ADGRB1: variants seen among roughly 807,000 people sequenced by gnomAD.
ADGRB1 encodes adhesion G protein-coupled receptor B1, also known as brain-specific angiogenesis inhibitor 1.
Under a neutral mutation model 175.7 loss-of-function variants are expected in ADGRB1, and 36 were observed. The observed-to-expected ratio is 0.20, with a 90% CI of 0.16 to 0.27. ADGRB1 has a LOEUF of 0.27. Among genes scored for constraint, ADGRB1 ranks in the 10% least tolerant of loss-of-function variants. The pLI is 1.00. For missense variants in ADGRB1, 1,731 were observed against 2,255.3 expected (o/e 0.77, Z 4.71); for synonymous variants, 1,054 against 979.4 (o/e 1.08, Z -1.42).
In ADGRB1 at chr8:142,537,008, C is replaced by T. The variant is rs1272145393; in HGVS notation, c.3592C>T (p.Arg1198Cys). The T allele has an allele frequency of 1.9e-6, 3 of 1,593,570 alleles. No individual in the cohort carries two copies. The highest frequency in any genetic ancestry group is 2.6e-6 in the Non-Finnish European group (3 of 1,170,654). ...CCAGGTCCAGGACGCTGTGAAATGCCGTGTGGTTGACCGGCAGGAGGAGGG... is the reference window on the plus strand; with the variant it reads ...CCAGGTCCAGGACGCTGTGAAATGCTGTGTGGTTGACCGGCAGGAGGAGGG... ...RREVQDAVKC[R>C]VVDRQEEGNG... is the part of the protein sequence containing the mutation. Residue 1198 changes from arginine to cysteine, a missense_variant, in exon 26 of 31, where the codon CGT becomes TGT. Coordinates refer to ENST00000517894, the MANE Select transcript of ADGRB1 (RefSeq NM_001702.3). This position sits in a 1 kb window ranked among gnomAD's most constrained non-coding sequence, Gnocchi z 4.6.
intron 1 of ADGRB1, among the ~76,000 whole-genome samples, chr8:142,454,754 G>A (rs545466683): frequency 2.0e-5 from 3 of 152,168 alleles, no homozygotes; most frequent in African/African-American, 7.2e-5. Context: ...AGGCGGCTCC[G>A]GACGTCTCCA....
At chr8:142,505,168 ACAGG>A (rs1267706605) in intron 17 of ADGRB1, among the ~76,000 whole-genome samples, 8 of 152,136 alleles carry the variant, frequency 5.3e-5, no homozygotes, top group Non-Finnish European at 2.9e-5. Flanking sequence ...CATCCCATGG[ACAGG>A]TGCGGGGTGA....
chr8:142,478,018 T>A (rs1841080973), intron 6 of ADGRB1, among the ~76,000 whole-genome samples, 169 bp from the exon 7 acceptor site: 1 of 149,708 alleles, frequency 6.7e-6, no homozygotes. Context: ...GCCTGGGTGT[T>A]CTCACCCATG....
At chr8:142,478,437 G>A (rs769849757) in intron 7 of ADGRB1, 77 bp downstream of exon 7, 64 of 1,433,938 alleles carry the variant, frequency 4.5e-5, no homozygotes, top group East Asian at 7.4e-5. Context: ...GCCCCACAGC[G>A]GGTGGGGGTA....
chr8:142,499,803 G>A (rs1032560331), intron 17 of ADGRB1, among the ~76,000 whole-genome samples: 3 of 152,230 alleles, frequency 2.0e-5, no homozygotes, highest in South Asian at 4.1e-4. Context: ...GGAGAGGGCC[G>A]CCACTTCCTG....
intron 12 of ADGRB1, 148 bp from the exon 13 acceptor site, chr8:142,484,508 A>G (rs2131847523): frequency 2.6e-6 from 2 of 767,868 alleles, no homozygotes; most frequent in East Asian, 5.6e-5. Context: ...CTCATCCCCA[A>G]AGTGGGGTAC....
intron 17 of ADGRB1, among the ~76,000 whole-genome samples, chr8:142,494,571 C>A (rs899307176): frequency 6.6e-6 from 1 of 152,102 alleles, no homozygotes; most frequent in Non-Finnish European, 1.5e-5. Flanking sequence ...ATGCAAGTCA[C>A]CTGCCTGCCT....
intron 2 of ADGRB1, among the ~76,000 whole-genome samples, chr8:142,470,445 T>G (rs1563686157): frequency 6.6e-6 from 1 of 151,814 alleles, no homozygotes; most frequent in Non-Finnish European, 1.5e-5. Context: ...TGGAGCCATT[T>G]TTTGCACAAG....
Position 142,464,190 on chromosome 8 carries a change from C to G in ADGRB1, c.-9C>G. On this transcript the variant is annotated 5_prime_UTR_variant, in exon 2 of 31. Coordinates refer to ENST00000517894, the MANE Select transcript of ADGRB1 (RefSeq NM_001702.3). The stretch of plus-strand genomic sequence containing the variant: ...AGCCCGCGGAACCCCGGCGGCCCCG[C>G]GAGCTAGGATGAGGGGCCAGGCCGC... 1 of 1,260,826 alleles carries G rather than the reference C, an allele frequency of 7.9e-7. No homozygotes were observed. The highest frequency in any genetic ancestry group is 9.9e-7 in the Non-Finnish European group (1 of 1,008,016). The allele number at this position is 1,260,826 out of a possible 1,614,324, so 78.1% of individuals were successfully genotyped here. A position where few individuals can be genotyped will look rare whatever the true frequency, so the allele number is the denominator to read the frequency against.
Position 142,526,697 on chromosome 8 carries a change from G to A in ADGRB1, c.3398+70G>A, listed in dbSNP as rs971287666. On this transcript the variant is annotated intron_variant, in intron 24 of 30. Transcript: ENST00000517894. ...ACCCAGAGCCCACCCAGCCCCGGGG[G>A]ATGGAGAACGCTCCATGCCCAATCT... 16 of 1,424,122 alleles carry A rather than the reference G, an allele frequency of 1.1e-5. No individual in the cohort carries two copies. The East Asian group carries it at 3.2e-4, about 28-fold the overall frequency. The allele number at this position is 1,424,122 out of a possible 1,614,324, so 88.2% of individuals were successfully genotyped here.
intron 18 of ADGRB1, among the ~76,000 whole-genome samples, chr8:142,515,485 G>A (rs552381111): frequency 2.6e-5 from 4 of 151,970 alleles, no homozygotes; most frequent in Admixed American, 1.3e-4. Flanking sequence ...CAGGCCTAAC[G>A]AGGGCAGGCG....
chr8:142,487,161 G>T (rs1006185277), intron 13 of ADGRB1, among the ~76,000 whole-genome samples: 1 of 151,986 alleles, frequency 6.6e-6, no homozygotes, highest in African/African-American at 2.4e-5. Flanking sequence ...CCCCTTACCC[G>T]GGCACACCTG....
At chr8:142,487,360 AC>A (rs1368961070) in intron 13 of ADGRB1, among the ~76,000 whole-genome samples, 3 of 151,174 alleles carry the variant, frequency 2.0e-5, no homozygotes, top group Non-Finnish European at 3.0e-5. Context: ...TCTTGTCCTC[AC>A]CCCCGGTTCT....
intron 25 of ADGRB1, among the ~76,000 whole-genome samples, chr8:142,536,087 G>A (rs773961897): frequency 2.0e-5 from 3 of 152,160 alleles, no homozygotes; most frequent in Non-Finnish European, 2.9e-5. Flanking sequence ...CCACAGGTCT[G>A]TGGTTGAGTG....
intron 19 of ADGRB1, among the ~76,000 whole-genome samples, chr8:142,520,135 GTGA>G (rs1398219586): frequency 7.4e-6 from 1 of 134,826 alleles, no homozygotes; most frequent in East Asian, 2.4e-4. Context: ...GATGATGGTG[GTGA>G]TGGTGATGGT....
At position 142,543,686 on chromosome 8, in the gene ADGRB1, A is replaced by C; in HGVS notation, c.4535A>C (p.Glu1512Ala). The C allele has an allele frequency of 8.1e-7, 1 of 1,241,096 alleles. No homozygotes were observed. The highest frequency in any genetic ancestry group is 1.3e-5 in the South Asian group (1 of 79,494). The allele number at this position is 1,241,096 out of a possible 1,614,324, so 76.9% of individuals were successfully genotyped here. A position where few individuals can be genotyped will look rare whatever the true frequency, so the allele number is the denominator to read the frequency against. Residue 1512 changes from glutamate (E) to alanine (A), a missense_variant, in exon 30 of 31, where the codon GAG (glutamate) becomes GCG (alanine). Around this residue, in one of 8 missense-constraint regions of ADGRB1, gnomAD observed 394 missense variants for 410.2 expected, o/e 0.96. Coordinates refer to ENST00000517894, the MANE Select transcript of ADGRB1 (RefSeq NM_001702.3). The surrounding 1 kb of genome is among the most constrained non-coding windows in gnomAD (Gnocchi z 4.4). ...KLQHAAEKDKEVLGPDSKPEK... is the reference protein window; with the variant it reads ...KLQHAAEKDKAVLGPDSKPEK... ...CAGCACGCAGCGGAGAAGGACAAGG[A>C]GGTGCTGGGGCCGGACAGCAAGGTC... is the stretch of plus-strand genomic sequence containing the variant.
At position 142,492,230 on chromosome 8, in the gene ADGRB1, C is replaced by T. The variant is rs535294338; in HGVS notation, c.2675+1415C>T. Reference sequence around the variant, plus strand: ...ACCACCCATCCACCGCTCCTCCGTCCGCCTGTTCTTTAATCCATCCGCCCA... The same window carrying T: ...ACCACCCATCCACCGCTCCTCCGTCTGCCTGTTCTTTAATCCATCCGCCCA... On this transcript the variant is annotated intron_variant, in intron 17 of 30. Transcript: ENST00000517894. This position sits in a 1 kb window ranked among gnomAD's most constrained non-coding sequence, Gnocchi z 4.4. 2.0e-5 allele frequency among the ~76,000 whole-genome samples: 3 copies of T among 152,272 alleles called. No homozygotes were observed. The highest frequency in any genetic ancestry group is 3.9e-4 in the East Asian group (2 of 5,178).
intron 7 of ADGRB1, chr8:142,479,102 A>C: frequency 2.2e-6 from 1 of 464,222 alleles, no homozygotes; most frequent in Non-Finnish European, 3.6e-6. Flanking sequence ...GGTTGGCTGC[A>C]TGTGGGGTGT....
Position 142,488,458 on chromosome 8 carries a change from A to G in ADGRB1, c.2403A>G (p.Pro801=), listed in dbSNP as rs2131869817. ...CCACGGGTGACTGGGCCAAGGTGCC[A>G]GAGGACAGGGTCACTGTGTCCAAGA... is the stretch of plus-strand genomic sequence containing the variant. ...WRATGDWAKV[P]EDRVTVSKSV... The change falls in exon 14 of 31, where the codon CCA becomes CCG. Residue 801 remains proline, a synonymous_variant. Transcript: ENST00000517894. The G allele has an allele frequency of 6.2e-7, 1 of 1,613,058 alleles. No homozygotes were observed. The highest frequency in any genetic ancestry group is 2.2e-5 in the East Asian group (1 of 44,864).
Sources: gnomAD v4.1 joint callset for allele counts (sites outside exome capture counted in the v4.1 genomes callset) on GRCh38, gnomAD v4.1.1 for gene constraint, gnomAD v4.1.1 regional missense constraint, Gnocchi (gnomAD v3.1) non-coding constraint, MANE v1.5 for transcripts, NCBI Gene and HGNC (gene_info 2026-07-23, HGNC 2026-07-21) for gene names.